MEAK7: variants seen among roughly 807,000 people sequenced by gnomAD.
MEAK7 encodes MTOR-associated protein MEAK7.
Under a neutral mutation model 40.5 loss-of-function variants are expected in MEAK7, and 68 were observed. The observed-to-expected ratio is 1.68, with a 90% confidence interval of 1.38 to 2.06. The LOEUF (loss-of-function observed/expected upper bound fraction) is 2.06. Among genes scored for constraint, MEAK7 ranks in the 30% most tolerant of loss-of-function variants. MEAK7 has a pLI of 0.00. For missense variants in MEAK7, 918 were observed against 580.5 expected (o/e 1.58, Z -5.98); for synonymous variants, 338 against 231.9 (o/e 1.46, Z -4.16).
intron 5 of MEAK7, among the ~76,000 whole-genome samples, chr16:84,484,378 G>A (rs1912851615): frequency 6.6e-6 from 1 of 152,196 alleles, no homozygotes; most frequent in Non-Finnish European, 1.5e-5. Flanking sequence ...GGAGCTGCCT[G>A]CCCACACAGC....
intron 5 of MEAK7, among the ~76,000 whole-genome samples, chr16:84,484,317 T>C (rs1912845567): frequency 6.6e-6 from 1 of 152,160 alleles, no homozygotes; most frequent in South Asian, 2.1e-4. Context: ...CTCATTCCCA[T>C]AAAACAATAC....
intron 5 of MEAK7, 45 bp downstream of exon 5, chr16:84,486,586 G>A (rs766636905): frequency 6.5e-7 from 1 of 1,537,302 alleles, no homozygotes; most frequent in African/African-American, 1.4e-5. Context: ...AGAGCTCTTT[G>A]CCCGTGCTGT....
intron 1 of MEAK7, among the ~76,000 whole-genome samples, chr16:84,501,604 G>A (rs1349909326): frequency 6.6e-6 from 1 of 152,114 alleles, no homozygotes; most frequent in African/African-American, 2.4e-5. Context: ...GAGATGACAG[G>A]AAAGGCTTGG....
intron 7 of MEAK7, 135 bp downstream of exon 7, chr16:84,480,394 C>T: frequency 6.4e-6 from 7 of 1,100,836 alleles, no homozygotes; most frequent in East Asian, 2.7e-5. Flanking sequence ...GCATCCAAGC[C>T]AGCATCAGCT....
chr16:84,495,872 C>G lies in MEAK7; in HGVS notation c.195G>C (p.Arg65Ser). Residue 65 changes from arginine to serine, a missense_variant, in exon 3 of 8, where the codon AGG (arginine) becomes AGC (serine). Arg to Ser is a moderately radical substitution (Grantham distance 110). Transcript: ENST00000343629. ...CGACCCTCCGCATGCCATCATACAG[C>G]CTGGTGACCATCTCTGGGGGAAGAG... is the stretch of plus-strand genomic sequence containing the variant. Reference protein sequence around the residue: ...GEALPPEMVTRLYDGMRRVDL... With the variant: ...GEALPPEMVTSLYDGMRRVDL... 1.9e-6 allele frequency: 3 copies of G among 1,614,086 alleles called. No homozygotes were observed. The highest frequency in any genetic ancestry group is 2.5e-6 in the Non-Finnish European group (3 of 1,180,028).
chr16:84,489,207 C>G (rs1308575451), intron 4 of MEAK7, 71 bp downstream of exon 4: 2 of 1,542,488 alleles, frequency 1.3e-6, no homozygotes, highest in Non-Finnish European at 1.8e-6. Flanking sequence ...TACTACACAG[C>G]TACAGTAATG....
chr16:84,492,706 C>A (rs757323002), intron 3 of MEAK7, among the ~76,000 whole-genome samples: 20 of 152,020 alleles, frequency 1.3e-4, no homozygotes, highest in Non-Finnish European at 2.9e-4. Flanking sequence ...CTTGGCCTCC[C>A]GAGTAGCTGG....
intron 5 of MEAK7, among the ~76,000 whole-genome samples, chr16:84,482,972 C>T (rs1165995653): frequency 1.3e-5 from 2 of 152,200 alleles, no homozygotes; most frequent in African/African-American, 2.4e-5. Flanking sequence ...CAGAACTCTG[C>T]CCACTGTCTG....
intron 1 of MEAK7, among the ~76,000 whole-genome samples, chr16:84,498,322 G>A (rs1196778650): frequency 6.6e-6 from 1 of 152,158 alleles, no homozygotes; most frequent in Non-Finnish European, 1.5e-5. Flanking sequence ...AGGCTGGAGT[G>A]CAGTGGTGCC....
chr16:84,482,166 G>A lies in MEAK7; in HGVS notation c.1077+426C>T, dbSNP rs557611845. On this transcript the variant is annotated intron_variant, in intron 6 of 7. Coordinates refer to ENST00000343629, the MANE Select transcript of MEAK7 (RefSeq NM_020947.4). ...GAAGCGAGGGCTGGACAGGAGCCAC[G>A]GTCACCCCAACTGGGGCCCCACATG... 9.2e-5 allele frequency among the ~76,000 whole-genome samples: 14 copies of A among 152,184 alleles called. No homozygotes were observed. The East Asian group carries it at 2.1e-3, about 23-fold the overall frequency.
At chr16:84,497,628 T>G in intron 2 of MEAK7, 1 of 1,370,768 alleles carries the variant, frequency 7.3e-7, no homozygotes. Flanking sequence ...AATCATTCAT[T>G]ATCTACTCCA....
intron 1 of MEAK7, among the ~76,000 whole-genome samples, chr16:84,498,535 A>G (rs1914245823): frequency 1.3e-5 from 2 of 151,802 alleles, no homozygotes; most frequent in South Asian, 4.2e-4. Flanking sequence ...TCAGCCTCCC[A>G]AAGTGTTGGG....
chr16:84,486,521 C>T (rs1333995299), intron 5 of MEAK7, 110 bp downstream of exon 5: 6 of 1,473,876 alleles, frequency 4.1e-6, no homozygotes, highest in Non-Finnish European at 5.4e-6. Flanking sequence ...TCTAGAGAAA[C>T]ACTTGGAGAA....
At chr16:84,495,592 C>T in intron 3 of MEAK7, 91 bp downstream of exon 3, 6 of 1,251,156 alleles carry the variant, frequency 4.8e-6, no homozygotes, top group Admixed American at 2.0e-5. Context: ...TTGGTTTACT[C>T]CTCCATGTGC....
rs1459685576 is a variant in MEAK7 at position 84,476,916 on chromosome 16, G to C, written c.*2997C>G. 6.6e-6 allele frequency: 1 copy of C among 152,110 alleles called. No individual in the cohort carries two copies. The highest frequency in any genetic ancestry group is 1.5e-5 in the Non-Finnish European group (1 of 68,036). 9.4% of individuals were successfully genotyped at this position (152,110 alleles called of 1,614,324 possible). A position where few individuals can be genotyped will look rare whatever the true frequency, so the allele number is the denominator to read the frequency against. ...AGGTACACAATTTTTTTTAAACATA[G>C]GGTCTTGCTGTGTTGCCCAGGCTGG... On this transcript the variant is annotated 3_prime_UTR_variant, in exon 8 of 8. Transcript: ENST00000343629.
Position 84,479,857 on chromosome 16 carries a change from T to G in MEAK7, c.*56A>C, listed in dbSNP as rs899250. 0.8 allele frequency: 1,101,286 copies of G among 1,378,540 alleles called. 442,230 individuals carry two copies. Among genetic ancestry groups the G allele is most frequent in the East Asian group, 0.93 (38,525 of 41,300 alleles). The allele number at this position is 1,378,540 out of a possible 1,614,324, so 85.4% of individuals were successfully genotyped here. On this transcript the variant is annotated 3_prime_UTR_variant, in exon 8 of 8. Transcript: ENST00000343629. ...TGGGAGGGAAGAGGGGCTGCAGGCG[T>G]TGCCCTCTACCCAGAGGAATCCAGG...
rs965163681 is a variant in MEAK7, at chr16:84,477,811, A to T, written c.*2102T>A. The T allele has an allele frequency of 5.3e-5, 8 of 152,212 alleles. No individual in the cohort carries two copies. The highest frequency in any genetic ancestry group is 1.7e-4 in the African/African-American group (7 of 41,450). 9.4% of individuals were successfully genotyped at this position (152,212 alleles called of 1,614,324 possible). On this transcript the variant is annotated 3_prime_UTR_variant, in exon 8 of 8. Coordinates refer to ENST00000343629, the MANE Select transcript of MEAK7 (RefSeq NM_020947.4). ...TAAAAAGGTTTGAGTGTCCAGAGGC[A>T]GAACCGTGCACCAAGAGAAGCCCAC...
chr16:84,483,873 G>C (rs1912797885), intron 5 of MEAK7, among the ~76,000 whole-genome samples: 1 of 152,194 alleles, frequency 6.6e-6, no homozygotes, highest in Non-Finnish European at 1.5e-5. Flanking sequence ...GCATCGGGTG[G>C]AGGAAGGAGG....
At chr16:84,480,072 A>G in intron 7 of MEAK7, 46 bp from the exon 8 acceptor site, 2 of 1,445,060 alleles carry the variant, frequency 1.4e-6, no homozygotes, top group Non-Finnish European at 1.9e-6. Context: ...ATGGCCCAAC[A>G]AGAGGCAGCA....
Sources: gnomAD v4.1 joint callset for allele counts (sites outside exome capture counted in the v4.1 genomes callset) on GRCh38, gnomAD v4.1.1 for gene constraint, MANE v1.5 for transcripts, NCBI Gene and HGNC (gene_info 2026-07-23, HGNC 2026-07-21) for gene names.